The following GRIK4 variants were observed in gnomAD, a reference collection of about 807,000 sequenced individuals.
The protein encoded by GRIK4 is glutamate receptor ionotropic, kainate 4.
Under a neutral mutation model 104.9 loss-of-function variants are expected in GRIK4, and 40 were observed. That is an observed-to-expected ratio of 0.38 (90% CI 0.30 to 0.50). The LOEUF is 0.50. GRIK4 is among the 20% of genes least tolerant of loss of function. The pLI, the probability that GRIK4 is intolerant of heterozygous loss-of-function variation, is 0.93. For missense variants in GRIK4, 1,047 were observed against 1,308.1 expected (o/e 0.80, Z 3.08); for synonymous variants, 485 against 524.9 (o/e 0.92, Z 1.04).
chr11:120,706,212 T>G (rs1401776288), intron 3 of GRIK4, among the ~76,000 whole-genome samples: 1 of 152,220 alleles, frequency 6.6e-6, no homozygotes, highest in African/African-American at 2.4e-5. Context: ...CTGTGGGTTC[T>G]AGGACTGACC....
chr11:120,597,616 G>A (rs917593155), intron 1 of GRIK4, among the ~76,000 whole-genome samples: 1 of 152,222 alleles, frequency 6.6e-6, no homozygotes, highest in Non-Finnish European at 1.5e-5. Context: ...TCAGCCGTGC[G>A]CTTTGCCAGA....
In GRIK4 at chr11:120,769,301, G is replaced by A. The variant is rs1276404966; in HGVS notation, c.83-33392G>A. Among the ~76,000 whole-genome samples the A allele has an allele frequency of 2.6e-5, 4 of 151,710 alleles. No homozygotes were observed. The East Asian group carries it at 5.8e-4, about 22-fold the overall frequency. Reference sequence around the variant, plus strand: ...TCTAGGAATTTTTTCATTTCCTCTCGGTTGTTCAGCCTCTAGGTTGAAAAA... The same window carrying A: ...TCTAGGAATTTTTTCATTTCCTCTCAGTTGTTCAGCCTCTAGGTTGAAAAA... On this transcript the variant is annotated intron_variant, in intron 3 of 20. Transcript: ENST00000527524.
At chr11:120,668,426 G>T (rs1949960926) in intron 3 of GRIK4, among the ~76,000 whole-genome samples, 1 of 152,120 alleles carries the variant, frequency 6.6e-6, no homozygotes, top group South Asian at 2.1e-4. Context: ...GGAAAGAAAA[G>T]AAATGAAAAG....
intron 3 of GRIK4, among the ~76,000 whole-genome samples, chr11:120,770,875 A>G (rs1329139526): frequency 2.6e-5 from 4 of 152,218 alleles, no homozygotes; most frequent in Non-Finnish European, 5.9e-5. Context: ...ATGAACCAGA[A>G]AGCAGGCCCT....
Position 120,545,267 on chromosome 11 carries a change from T to G in GRIK4, c.-159+33380T>G, listed in dbSNP as rs1565544842. Among the ~76,000 whole-genome samples the G allele has an allele frequency of 2.0e-5, 3 of 152,204 alleles. No individual in the cohort carries two copies. In the South Asian group the frequency reaches 6.2e-4, roughly 32 times the overall value. The stretch of plus-strand genomic sequence containing the variant: ...TCAAAACTGCCTTATCTCTAGTCGT[T>G]AAGGGTGTTCATTTGGCTGAAACTA... On this transcript the variant is annotated intron_variant, in intron 1 of 20. Transcript: ENST00000527524.
chr11:120,722,289 T>C (rs1217967660), intron 3 of GRIK4, among the ~76,000 whole-genome samples: 2 of 152,148 alleles, frequency 1.3e-5, no homozygotes, highest in African/African-American at 4.8e-5. Context: ...ATGATGGAGG[T>C]AATGGTGTTT....
Position 120,866,415 on chromosome 11 carries a change from C to A in GRIK4, c.906+4295C>A, listed in dbSNP as rs193082290. On this transcript the variant is annotated intron_variant, in intron 9 of 20. Coordinates refer to ENST00000527524, the MANE Select transcript of GRIK4 (RefSeq NM_014619.5). ...CAGGGTCCACAGCATCCCAATGGAG[C>A]AGGGGTCCCGTGCTGACTTGCTCAG... Among the ~76,000 whole-genome samples the A allele has an allele frequency of 3.9e-4, 59 of 152,304 alleles. No homozygotes were observed. In the East Asian group the frequency reaches 0.011, roughly 29 times the overall value.
At chr11:120,867,512 C>G (rs3802913) in intron 9 of GRIK4, among the ~76,000 whole-genome samples, 50,768 of 151,766 alleles carry the variant, frequency 0.33, 9,321 homozygotes, top group East Asian at 0.46. Flanking sequence ...ACGATGTTCC[C>G]TGCTCTTTCT....
At chr11:120,774,957 C>T (rs950146758) in intron 3 of GRIK4, among the ~76,000 whole-genome samples, 5 of 152,170 alleles carry the variant, frequency 3.3e-5, no homozygotes, top group South Asian at 2.1e-4. Context: ...GGGTGAGAGA[C>T]GAGATAAAGA....
chr11:120,674,145 A>G (rs1441556600), intron 3 of GRIK4, among the ~76,000 whole-genome samples: 1 of 152,096 alleles, frequency 6.6e-6, no homozygotes, highest in African/African-American at 2.4e-5. Context: ...CATCTCATGG[A>G]TTGGATCCAA....
At chr11:120,725,991 G>T (rs561899294) in intron 3 of GRIK4, among the ~76,000 whole-genome samples, 2 of 152,178 alleles carry the variant, frequency 1.3e-5, no homozygotes, top group African/African-American at 4.8e-5. Flanking sequence ...AGGCAAAATA[G>T]GTAGCACTTA....
At chr11:120,883,067 C>G (rs1955011914) in intron 11 of GRIK4, among the ~76,000 whole-genome samples, 1 of 152,190 alleles carries the variant, frequency 6.6e-6, no homozygotes, top group South Asian at 2.1e-4. Flanking sequence ...CCTTTTCACA[C>G]TATTATTCAG....
intron 10 of GRIK4, 64 bp from the exon 11 acceptor site, chr11:120,875,075 C>G: frequency 9.7e-7 from 1 of 1,031,160 alleles, no homozygotes. Context: ...GTGTAGAAAT[C>G]TTGCTTGGGG....
At chr11:120,539,860 T>C (rs796215086) in intron 1 of GRIK4, among the ~76,000 whole-genome samples, 28 of 152,280 alleles carry the variant, frequency 1.8e-4, no homozygotes, top group African/African-American at 6.5e-4. Flanking sequence ...TATAATCTGT[T>C]TGGCTTTCAA....
chr11:120,794,595 C>T (rs931743990), intron 3 of GRIK4, among the ~76,000 whole-genome samples: 1 of 152,096 alleles, frequency 6.6e-6, no homozygotes, highest in Non-Finnish European at 1.5e-5. Context: ...GGAAGAAAGA[C>T]CACGTACGGG....
In GRIK4 at chr11:120,555,749, A is replaced by T. The variant is rs1166846966; in HGVS notation, c.-159+43862A>T. 6.6e-6 allele frequency among the ~76,000 whole-genome samples: 1 copy of T among 152,048 alleles called. No homozygotes were observed. Among genetic ancestry groups the T allele is most frequent in the African/African-American group, 2.4e-5 (1 of 41,398 alleles). ...GCTGCGGGTGGCACAAAGTTTGCAAATTCCTTTTACTTCATCCTTGTCCTC... is the reference window on the plus strand; with the variant it reads ...GCTGCGGGTGGCACAAAGTTTGCAATTTCCTTTTACTTCATCCTTGTCCTC... On this transcript the variant is annotated intron_variant, in intron 1 of 20. Coordinates refer to ENST00000527524, the MANE Select transcript of GRIK4 (RefSeq NM_014619.5). The surrounding 1 kb of genome is among the most constrained non-coding windows in gnomAD (Gnocchi z 5.3).
chr11:120,807,104 A>G (rs941148025), intron 4 of GRIK4, among the ~76,000 whole-genome samples: 3 of 152,236 alleles, frequency 2.0e-5, no homozygotes, highest in South Asian at 4.1e-4. Flanking sequence ...CAGATCTAAA[A>G]TAACAGAGAT....
At chr11:120,642,128 T>A (rs1352985112) in intron 1 of GRIK4, among the ~76,000 whole-genome samples, 2 of 152,192 alleles carry the variant, frequency 1.3e-5, no homozygotes, top group African/African-American at 4.8e-5. Flanking sequence ...CACAGCTATG[T>A]CCCCAGTACG....
chr11:120,527,506 C>A (rs1375633261), intron 1 of GRIK4, among the ~76,000 whole-genome samples: 2 of 152,240 alleles, frequency 1.3e-5, no homozygotes, highest in Non-Finnish European at 2.9e-5. Context: ...TCCCTCCTGC[C>A]TTCCTGGAGC....
Sources: allele counts gnomAD v4.1 joint callset (sites outside exome capture counted in the v4.1 genomes callset), GRCh38; gene constraint gnomAD v4.1.1; non-coding constraint Gnocchi (gnomAD v3.1); transcripts MANE v1.5; gene names NCBI Gene and HGNC (gene_info 2026-07-23, HGNC 2026-07-21).